Variants in UTS2 observed in about 807,000 individuals in gnomAD.
The protein encoded by UTS2 is urotensin 2.
A neutral mutation model predicts 12.6 loss-of-function variants in UTS2; 10 were observed. The observed-to-expected ratio is 0.80, with a 90% CI of 0.49 to 1.35. The LOEUF (loss-of-function observed/expected upper bound fraction) is 1.35. UTS2 is among the 40% of genes most tolerant of loss of function. The probability of loss-of-function intolerance (pLI) is 0.00; values close to 1 mark genes in which losing one functional copy is unlikely to be tolerated. For synonymous variants in UTS2, 52 were observed against 50.0 expected (o/e 1.04, Z -0.17); for missense variants, 142 against 143.2 (o/e 0.99, Z 0.04).
the UTS2 span, among the ~76,000 whole-genome samples, chr1:7,861,418 A>G: frequency 6.6e-6 from 1 of 152,064 alleles, no homozygotes; most frequent in African/African-American, 2.4e-5. Flanking sequence ...CAAAAGGGGG[A>G]AAAAGGTGGA....
chr1:7,852,904 A>G lies in UTS2; in HGVS notation c.100T>C (p.Ser34Pro), dbSNP rs753238697. The G allele has an allele frequency of 6.2e-7, 1 of 1,602,802 alleles. No homozygotes were observed. Among genetic ancestry groups the G allele is most frequent in the Non-Finnish European group, 8.5e-7 (1 of 1,176,626 alleles). Residue 34 changes from serine to proline, a missense_variant, in exon 1 of 4, where the codon TCA becomes CCA. By Grantham distance (74) the Ser-to-Pro change is moderately conservative. Transcript: ENST00000361696. ...AAGGGGAAAAAAAAAATCTTACCTG[A>G]GAGTTGAAAGGATATTTCCCTGGAG... Reference protein sequence around the residue: ...LDSREISFQLSAPHEDARLTP... With the variant: ...LDSREISFQLPAPHEDARLTP...
At chr1:7,871,354 G>A in the UTS2 span, among the ~76,000 whole-genome samples, 1 of 152,034 alleles carries the variant, frequency 6.6e-6, no homozygotes, top group South Asian at 2.1e-4. Flanking sequence ...TCTCTATGGT[G>A]TAGAAGCATG....
At chr1:7,889,260 C>T in the UTS2 span, among the ~76,000 whole-genome samples, 2 of 72,588 alleles carry the variant, frequency 2.8e-5, no homozygotes, top group Admixed American at 1.7e-4. Flanking sequence ...CTCATTTCTA[C>T]AAAAAAAAAA....
At chr1:7,863,122 T>C in the UTS2 span, among the ~76,000 whole-genome samples, 3 of 150,284 alleles carry the variant, frequency 2.0e-5, no homozygotes, top group African/African-American at 7.4e-5. Context: ...TGTATTGTAT[T>C]GTATTTGAGA....
chr1:7,877,330 T>C, the UTS2 span, among the ~76,000 whole-genome samples: 2 of 151,864 alleles, frequency 1.3e-5, no homozygotes, highest in African/African-American at 4.8e-5. Context: ...TGAAACACAA[T>C]AGAACACAAT....
At chr1:7,886,172 C>G in the UTS2 span, among the ~76,000 whole-genome samples, 1 of 152,034 alleles carries the variant, frequency 6.6e-6, no homozygotes, top group Admixed American at 6.5e-5. Context: ...TCTGAGTCTC[C>G]CCGGGAGGGG....
At chr1:7,871,423 G>T in the UTS2 span, among the ~76,000 whole-genome samples, 1 of 152,158 alleles carries the variant, frequency 6.6e-6, no homozygotes, top group Non-Finnish European at 1.5e-5. Flanking sequence ...CCCTGCCCAG[G>T]CTGGCTTCAC....
chr1:7,871,767 G>A, the UTS2 span, among the ~76,000 whole-genome samples: 20 of 151,910 alleles, frequency 1.3e-4, no homozygotes, highest in African/African-American at 4.8e-4. Flanking sequence ...GTTACTATTC[G>A]AATTGTTTGG....
At chr1:7,879,829 A>C in the UTS2 span, among the ~76,000 whole-genome samples, 1 of 152,228 alleles carries the variant, frequency 6.6e-6, no homozygotes, top group Non-Finnish European at 1.5e-5. Flanking sequence ...AAGCAGTGCT[A>C]AAAGGGAAGT....
the UTS2 span, among the ~76,000 whole-genome samples, chr1:7,879,042 G>C: frequency 6.6e-6 from 1 of 152,152 alleles, no homozygotes; most frequent in African/African-American, 2.4e-5. Flanking sequence ...GGGAGAGATA[G>C]ACTCCAATAC....
chr1:7,884,753 T>C, the UTS2 span, among the ~76,000 whole-genome samples: 1 of 151,860 alleles, frequency 6.6e-6, no homozygotes, highest in Admixed American at 6.6e-5. Flanking sequence ...CCACTCCATC[T>C]TTCGCCATCC....
At chr1:7,874,154 A>G in the UTS2 span, among the ~76,000 whole-genome samples, 1 of 152,184 alleles carries the variant, frequency 6.6e-6, no homozygotes, top group Non-Finnish European at 1.5e-5. Flanking sequence ...CTCAGATCCA[A>G]GAGAAACTGC....
the UTS2 span, among the ~76,000 whole-genome samples, chr1:7,872,682 G>A: frequency 6.6e-6 from 1 of 152,188 alleles, no homozygotes; most frequent in Non-Finnish European, 1.5e-5. Flanking sequence ...GGTTCATGAG[G>A]TTTAAGGAAA....
At chr1:7,900,994 T>C in the UTS2 span, among the ~76,000 whole-genome samples, 2 of 152,210 alleles carry the variant, frequency 1.3e-5, no homozygotes, top group African/African-American at 2.4e-5. Flanking sequence ...CTAAGTTTAA[T>C]TTGACAAAGA....
In UTS2 at chr1:7,847,729, G is replaced by A; in HGVS notation, c.*37C>T. On this transcript the variant is annotated 3_prime_UTR_variant, in exon 4 of 4. Transcript: ENST00000361696. ...GTGTTATTTTTCATATTCTAAGATG[G>A]GTGTTTCTGAGCTGACTAACAGATG... 1 of 1,457,676 alleles carries A rather than the reference G, an allele frequency of 6.9e-7. No homozygotes were observed. The highest frequency in any genetic ancestry group is 1.4e-5 in the African/African-American group (1 of 70,542). The allele number at this position is 1,457,676 out of a possible 1,614,324, so 90.3% of individuals were successfully genotyped here. A position where few individuals can be genotyped will look rare whatever the true frequency, so the allele number is the denominator to read the frequency against.
the UTS2 span, among the ~76,000 whole-genome samples, chr1:7,869,803 G>A: frequency 0.027 from 4,117 of 152,318 alleles, 162 homozygotes; most frequent in East Asian, 0.12. Context: ...TAGGAGGTTT[G>A]ATTGAGAGAG....
At chr1:7,869,157 C>T in the UTS2 span, among the ~76,000 whole-genome samples, 1 of 152,180 alleles carries the variant, frequency 6.6e-6, no homozygotes, top group Non-Finnish European at 1.5e-5. Flanking sequence ...CAGAGGCTGC[C>T]CAAGGTGGAG....
the UTS2 span, among the ~76,000 whole-genome samples, chr1:7,898,212 C>T: frequency 1.9e-3 from 285 of 152,028 alleles, no homozygotes; most frequent in Middle Eastern, 6.8e-3. Context: ...ATATAAGTGG[C>T]GATTGTTTTG....
chr1:7,884,551 C>T, the UTS2 span, among the ~76,000 whole-genome samples: 1 of 152,150 alleles, frequency 6.6e-6, no homozygotes, highest in Non-Finnish European at 1.5e-5. Context: ...TCAAGCGATC[C>T]TCCCATCTTG....
Sources: gnomAD v4.1 joint callset for allele counts (sites outside exome capture counted in the v4.1 genomes callset) on GRCh38, gnomAD v4.1.1 for gene constraint, MANE v1.5 for transcripts, NCBI Gene and HGNC (gene_info 2026-07-23, HGNC 2026-07-21) for gene names.